OLA1: variants seen among roughly 807,000 people sequenced by gnomAD.
OLA1 encodes obg-like ATPase 1.
Under a neutral mutation model 48.4 loss-of-function variants are expected in OLA1, and 14 were observed. The ratio of observed to expected loss-of-function variants is 0.29; its 90% CI spans 0.19 to 0.45. The LOEUF is 0.45. Among genes scored for constraint, OLA1 ranks in the 20% least tolerant of loss-of-function variants. OLA1 has a pLI of 1.00. For missense variants in OLA1, 325 were observed against 467.1 expected, an observed-to-expected ratio of 0.70 and a Z score of 2.80; for synonymous variants, 127 against 150.4, an observed-to-expected ratio of 0.84 and a Z score of 1.14.
intron 7 of OLA1, among the ~76,000 whole-genome samples, chr2:174,103,438 G>A (rs1257931297): frequency 2.6e-5 from 4 of 152,136 alleles, no homozygotes; most frequent in Non-Finnish European, 1.5e-5. Flanking sequence ...ACAAAGTTGA[G>A]TAGCTACAAC....
At chr2:174,189,637 G>A (rs1687731274) in intron 4 of OLA1, among the ~76,000 whole-genome samples, 1 of 152,046 alleles carries the variant, frequency 6.6e-6, no homozygotes. Context: ...CATTCTGCTG[G>A]CAAGGTCATA....
At chr2:174,147,809 T>G (rs1027229922) in intron 4 of OLA1, among the ~76,000 whole-genome samples, 7 of 150,936 alleles carry the variant, frequency 4.6e-5, no homozygotes, top group African/African-American at 1.5e-4. Context: ...AACAAGTCTT[T>G]TTTATTGTTT....
At position 174,234,311 on chromosome 2, in the gene OLA1, CTG is replaced by C. The variant is rs574881775; in HGVS notation, c.102-4862_102-4861del. On this transcript the variant is annotated intron_variant, in intron 2 of 10. Transcript: ENST00000284719. ...AACATACAAAATATAGCTTAATCAA[CTG>C]TTTATGTTATTGGTAAGGCTTCCAG... is the stretch of plus-strand genomic sequence containing the variant. Among the ~76,000 whole-genome samples, 250 of 152,172 alleles carry C rather than the reference CTG, an allele frequency of 1.6e-3. 2 individuals carry two copies. The highest frequency in any genetic ancestry group is 5.7e-3 in the African/African-American group (236 of 41,520).
intron 4 of OLA1, among the ~76,000 whole-genome samples, chr2:174,196,469 G>T (rs570265634): frequency 6.6e-6 from 1 of 152,250 alleles, no homozygotes; most frequent in East Asian, 1.9e-4. Flanking sequence ...TTATGAAACT[G>T]TCATTTTAAA....
At position 174,198,578 on chromosome 2, in the gene OLA1, C is replaced by T. The variant is rs1228856828; in HGVS notation, c.373+24455G>A. Among the ~76,000 whole-genome samples, 5 of 151,976 alleles carry T rather than the reference C, an allele frequency of 3.3e-5. No homozygotes were observed. The East Asian group carries it at 7.8e-4, about 24-fold the overall frequency. ...GCAAATCATTTGAGGTCAAGAGTTC[C>T]GAGACCAGCCTGGCCAAGATGGCAA... On this transcript the variant is annotated intron_variant, in intron 4 of 10. Coordinates refer to ENST00000284719, the MANE Select transcript of OLA1 (RefSeq NM_013341.5).
At chr2:174,106,765 G>T (rs1685521653) in intron 7 of OLA1, among the ~76,000 whole-genome samples, 1 of 152,132 alleles carries the variant, frequency 6.6e-6, no homozygotes, top group Non-Finnish European at 1.5e-5. Context: ...TTAGTGTGAT[G>T]CTATGCACTG....
At chr2:174,125,285 G>C (rs933468992) in intron 5 of OLA1, among the ~76,000 whole-genome samples, 9 of 152,156 alleles carry the variant, frequency 5.9e-5, no homozygotes, top group Admixed American at 2.0e-4. Flanking sequence ...TGCAAATTCT[G>C]AATGCCTGCT....
intron 4 of OLA1, among the ~76,000 whole-genome samples, chr2:174,170,573 A>G (rs1311600981): frequency 6.6e-6 from 1 of 152,220 alleles, no homozygotes; most frequent in African/African-American, 2.4e-5. Context: ...ATAGAACACA[A>G]TCATATGTTC....
intron 2 of OLA1, among the ~76,000 whole-genome samples, chr2:174,235,197 T>C (rs1481001651): frequency 1.3e-5 from 2 of 152,036 alleles, no homozygotes; most frequent in Admixed American, 6.6e-5. Context: ...AACCCATTAA[T>C]CTATGAAGTA....
Position 174,175,214 on chromosome 2 carries a change from C to T in OLA1, c.374-33214G>A, listed in dbSNP as rs1293577206. 2.7e-5 allele frequency among the ~76,000 whole-genome samples: 4 copies of T among 148,230 alleles called. No individual in the cohort carries two copies. The East Asian group carries it at 7.9e-4, about 29-fold the overall frequency. ...GCTGGGTAAAGATTTCTGAACCGGA[C>T]ACAAAAAACACAAATATCAGAGAAA... is the stretch of plus-strand genomic sequence containing the variant. On this transcript the variant is annotated intron_variant, in intron 4 of 10. Transcript: ENST00000284719.
intron 2 of OLA1, among the ~76,000 whole-genome samples, chr2:174,242,220 G>A (rs1214290556): frequency 6.6e-6 from 1 of 152,198 alleles, no homozygotes; most frequent in Non-Finnish European, 1.5e-5. Flanking sequence ...ATTTTTCCAC[G>A]GACCAAGGGT....
chr2:174,246,216 C>T (rs1370855846), intron 2 of OLA1, among the ~76,000 whole-genome samples: 1 of 151,576 alleles, frequency 6.6e-6, no homozygotes, highest in African/African-American at 2.4e-5. Flanking sequence ...AGGAGAATCA[C>T]TTGAACCCGG....
rs554148675 is a variant in OLA1 at position 174,179,998 on chromosome 2, GA to G, written c.374-37999del. On this transcript the variant is annotated intron_variant, in intron 4 of 10. Transcript: ENST00000284719. ...TTCTCCTTTCCTCACAAATTTATAA[GA>G]AATCTGTTTCTAGGTTATAAGCTAA... Among the ~76,000 whole-genome samples, 54 of 151,994 alleles carry G rather than the reference GA, an allele frequency of 3.6e-4. 1 individual carries two copies. In the East Asian group the frequency reaches 7.7e-3, roughly 22 times the overall value.
chr2:174,144,298 G>A (rs1558974584), intron 4 of OLA1, among the ~76,000 whole-genome samples: 1 of 151,984 alleles, frequency 6.6e-6, no homozygotes. Flanking sequence ...GTTGCTCCCT[G>A]CCCCAAGGTT....
chr2:174,152,729 A>C (rs1465804910), intron 4 of OLA1, among the ~76,000 whole-genome samples: 2 of 152,234 alleles, frequency 1.3e-5, no homozygotes, highest in Non-Finnish European at 2.9e-5. Context: ...ATGCAAAAGC[A>C]TAATGGAATA....
At chr2:174,076,768 T>G (rs1684747422) in intron 10 of OLA1, among the ~76,000 whole-genome samples, 1 of 149,474 alleles carries the variant, frequency 6.7e-6, no homozygotes, top group Non-Finnish European at 1.5e-5. Flanking sequence ...TGTATACATA[T>G]ATATTTATAT....
At chr2:174,186,243 C>T (rs147929180) in intron 4 of OLA1, among the ~76,000 whole-genome samples, 59 of 152,080 alleles carry the variant, frequency 3.9e-4, no homozygotes, top group African/African-American at 1.3e-3. Context: ...TGAAGAAAGC[C>T]GATTCTTAAG....
intron 7 of OLA1, among the ~76,000 whole-genome samples, chr2:174,118,288 G>A (rs1434064277): frequency 6.6e-6 from 1 of 152,184 alleles, no homozygotes; most frequent in East Asian, 1.9e-4. Flanking sequence ...TTGTAAAAGT[G>A]TAGCTCATCC....
intron 4 of OLA1, among the ~76,000 whole-genome samples, chr2:174,159,536 T>G (rs1238993405): frequency 6.6e-6 from 1 of 152,130 alleles, no homozygotes; most frequent in African/African-American, 2.4e-5. Context: ...CTTTGGTTTT[T>G]CACCTACATT....
Sources: allele counts gnomAD v4.1 joint callset (sites outside exome capture counted in the v4.1 genomes callset), GRCh38; gene constraint gnomAD v4.1.1; transcripts MANE v1.5; gene names NCBI Gene and HGNC (gene_info 2026-07-23, HGNC 2026-07-21).